The following DPH1 variants were observed in gnomAD, a reference collection of about 807,000 sequenced individuals.
DPH1 encodes the protein 2-(3-amino-3-carboxypropyl)histidine synthase subunit 1.
Under a neutral mutation model 55.3 loss-of-function variants are expected in DPH1, and 59 were observed. The observed-to-expected ratio is 1.07, with a 90% CI of 0.87 to 1.33. The LOEUF (loss-of-function observed/expected upper bound fraction) is 1.33. Among genes scored for constraint, DPH1 ranks in the 40% most tolerant of loss-of-function variants. DPH1 has a pLI of 0.00. For missense variants in DPH1, 628 were observed against 584.8 expected, an observed-to-expected ratio of 1.07 and a Z score of -0.76; for synonymous variants, 238 against 235.5, an observed-to-expected ratio of 1.01 and a Z score of -0.10.
At position 2,032,908 on chromosome 17, in the gene DPH1, T is replaced by C. The variant is rs139634923; in HGVS notation, c.62-597T>C. 7.7e-3 allele frequency among the ~76,000 whole-genome samples: 1,169 copies of C among 152,244 alleles called. 5 individuals are homozygous for C. Among genetic ancestry groups the C allele is most frequent in the Non-Finnish European group, 0.012 (815 of 68,020 alleles). Reference sequence around the variant, plus strand: ...CACCAGGCCCGGCTAATTTTTTGTATTTTTAGTAGAGAGTAGTATTTCCCC... The same window carrying C: ...CACCAGGCCCGGCTAATTTTTTGTACTTTTAGTAGAGAGTAGTATTTCCCC... On this transcript the variant is annotated intron_variant, in intron 1 of 12. Transcript: ENST00000263083.
intron 7 of DPH1, 81 bp from the exon 8 acceptor site, chr17:2,040,137 A>G: frequency 6.4e-7 from 1 of 1,565,634 alleles, no homozygotes; most frequent in Non-Finnish European, 8.7e-7. Context: ...TCAGGAGCCC[A>G]CGGGGCTGAG....
At position 2,043,406 on chromosome 17, in the gene DPH1, T is replaced by TA. The variant is rs1252486515; in HGVS notation, c.*822dup. 3.0e-6 allele frequency: 1 copy of TA among 337,222 alleles called. No homozygotes were observed. The highest frequency in any genetic ancestry group is 2.1e-5 in the African/African-American group (1 of 47,542). The allele number at this position is 337,222 out of a possible 1,614,324, so 20.9% of individuals were successfully genotyped here. On this transcript the variant is annotated 3_prime_UTR_variant, in exon 13 of 13. Transcript: ENST00000263083. ...GGCTGGCACCATGGTGACTGCCACA[T>TA]AATAAAGTGGTGATTTGGATTTTGA... is the stretch of plus-strand genomic sequence containing the variant.
intron 1 of DPH1, among the ~76,000 whole-genome samples, chr17:2,032,073 G>A (rs1001638547): frequency 1.3e-5 from 2 of 152,206 alleles, no homozygotes; most frequent in African/African-American, 2.4e-5. Context: ...AGAGGTAAGC[G>A]TGAAAGAACG....
At position 2,040,234 on chromosome 17, in the gene DPH1, A is replaced by G; in HGVS notation, c.766A>G (p.Lys256Glu). Residue 256 changes from lysine (K) to glutamate (E), a missense_variant, in exon 8 of 13, where the codon AAA (lysine) becomes GAA (glutamate). Lys to Glu is a moderately conservative substitution (Grantham distance 56). Coordinates refer to ENST00000263083, the MANE Select transcript of DPH1 (RefSeq NM_001383.6). ...CTTTTCCAGGTATGACCCATATAGC[A>G]AAGTCCTATCCAGAGAACACTATGA... ...VPAYRYDPYS[K>E]VLSREHYDHQ... 1 of 1,614,034 alleles carries G rather than the reference A, an allele frequency of 6.2e-7. No homozygotes were observed. Among genetic ancestry groups the G allele is most frequent in the South Asian group, 1.1e-5 (1 of 91,084 alleles).
At chr17:2,031,434 C>G (rs1362050838) in intron 1 of DPH1, among the ~76,000 whole-genome samples, 1 of 151,686 alleles carries the variant, frequency 6.6e-6, no homozygotes, top group Non-Finnish European at 1.5e-5. Context: ...TGGTAGCACA[C>G]GCCTGTAATC....
chr17:2,042,456 A>T, intron 12 of DPH1, 149 bp from the exon 13 acceptor site: 3 of 1,253,012 alleles, frequency 2.4e-6, no homozygotes, highest in Non-Finnish European at 3.2e-6. Flanking sequence ...AGGCCAATCC[A>T]CTCATTTCCC....
At position 2,041,500 on chromosome 17, in the gene DPH1, A is replaced by G; in HGVS notation, c.1106A>G (p.Asp369Gly). ...TPYEAAVALR[D>G]ISWQQPYPMD... ...CCCTAGGCGGCCGTGGCTCTGAGGG[A>G]CATTTCCTGGCAGCAGCCCTACCCG... The change falls in exon 11 of 13, where the codon GAC becomes GGC. Residue 369 changes from aspartate to glycine, a missense_variant. Physicochemically the swap from Asp to Gly is moderately conservative, Grantham distance 94. Coordinates refer to ENST00000263083, the MANE Select transcript of DPH1 (RefSeq NM_001383.6). 6.2e-7 allele frequency: 1 copy of G among 1,611,014 alleles called. No homozygotes were observed. The highest frequency in any genetic ancestry group is 8.5e-7 in the Non-Finnish European group (1 of 1,178,766).
At chr17:2,040,113 T>A in intron 7 of DPH1, 105 bp from the exon 8 acceptor site, 1 of 1,471,248 alleles carries the variant, frequency 6.8e-7, no homozygotes, top group Non-Finnish European at 9.2e-7. Context: ...ATTACCTGCG[T>A]GGGGCCTAAA....
At chr17:2,030,553 A>AGT (rs987566951) in intron 1 of DPH1, among the ~76,000 whole-genome samples, 13 of 152,098 alleles carry the variant, frequency 8.5e-5, no homozygotes, top group African/African-American at 2.9e-4. Context: ...GCATTTTACG[A>AGT]GTGCGCCCTC....
intron 6 of DPH1, chr17:2,038,916 C>T (rs1201416400): frequency 2.0e-5 from 3 of 152,146 alleles, no homozygotes; most frequent in African/African-American, 7.2e-5. Context: ...TTAGATTCTG[C>T]ATTATGTAAA....
intron 7 of DPH1, 128 bp downstream of exon 7, chr17:2,039,951 T>TG: frequency 7.2e-7 from 1 of 1,391,994 alleles, no homozygotes; most frequent in Non-Finnish European, 1.0e-6. Flanking sequence ...CTGAGGCACT[T>TG]GGGCCCTGGA....
chr17:2,039,454 T>C (rs2067478081), intron 6 of DPH1: 3 of 296,126 alleles, frequency 1.0e-5, no homozygotes, highest in South Asian at 7.4e-5. Context: ...CTCAGCTCAC[T>C]GCAAGCTACG....
chr17:2,033,825 T>C lies in DPH1; in HGVS notation c.261T>C (p.Ile87=). The C allele has an allele frequency of 6.2e-7, 1 of 1,614,164 alleles. No individual in the cohort carries two copies. Among genetic ancestry groups the C allele is most frequent in the Non-Finnish European group, 8.5e-7 (1 of 1,180,022 alleles). The change falls in exon 3 of 13, where the codon ATT becomes ATC. Residue 87 remains isoleucine, a synonymous_variant. Coordinates refer to ENST00000263083, the MANE Select transcript of DPH1 (RefSeq NM_001383.6). ...PEGLLLFACT[I]VDILERFTEA... ...GCCTCCTCCTCTTTGCCTGTACCAT[T>C]GTGGATATCTTGGAAAGGTGAGGCT...
chr17:2,038,147 CAAAAAAAAAAAAAAA>C (rs201391773), intron 6 of DPH1, among the ~76,000 whole-genome samples: 115 of 108,782 alleles, frequency 1.1e-3, no homozygotes, highest in Non-Finnish European at 1.8e-3. Context: ...CTGTTCTCTC[CAAAAAAAAAAAAAAA>C]AAAAAAAAAA....
intron 6 of DPH1, 144 bp from the exon 7 acceptor site, chr17:2,039,611 T>G: frequency 1.8e-5 from 16 of 888,716 alleles, no homozygotes; most frequent in Non-Finnish European, 2.8e-5. Context: ...TCTCCTGACC[T>G]CATGATCCGC....
intron 7 of DPH1, 90 bp from the exon 8 acceptor site, chr17:2,040,128 C>T: frequency 1.3e-6 from 2 of 1,543,298 alleles, no homozygotes; most frequent in Non-Finnish European, 1.8e-6. Flanking sequence ...CCTAAAGGTT[C>T]AGGAGCCCAC....
chr17:2,039,694 A>C (rs1229012068), intron 6 of DPH1, 61 bp from the exon 7 acceptor site: 1 of 1,610,378 alleles, frequency 6.2e-7, no homozygotes, highest in East Asian at 2.2e-5. Flanking sequence ...TGGACTTCTA[A>C]GCCAGCGAGT....
In DPH1 at chr17:2,036,848, A is replaced by G; in HGVS notation, c.572A>G (p.Glu191Gly). 1 of 1,613,480 alleles carries G rather than the reference A, an allele frequency of 6.2e-7. No individual in the cohort carries two copies. The highest frequency in any genetic ancestry group is 8.5e-7 in the Non-Finnish European group (1 of 1,179,922). ...TCATTCCTACAGGCAGCCGCCCAGGAGCTGAAAGCCGAGTATCGTGTGAGT... is the reference window on the plus strand; with the variant it reads ...TCATTCCTACAGGCAGCCGCCCAGGGGCTGAAAGCCGAGTATCGTGTGAGT... ...FVSTLQAAAQ[E>G]LKAEYRVSVP... The change falls in exon 6 of 13, where the codon GAG becomes GGG. Residue 191 changes from glutamate (E) to glycine (G), a missense_variant. Transcript: ENST00000263083. The surrounding 1 kb of genome is among the most constrained non-coding windows in gnomAD (Gnocchi z 4.8).
intron 6 of DPH1, among the ~76,000 whole-genome samples, chr17:2,037,458 C>G (rs1394161057): frequency 6.6e-6 from 1 of 152,164 alleles, no homozygotes; most frequent in Non-Finnish European, 1.5e-5. Flanking sequence ...GGGTCGCTCC[C>G]TGACTCAGTC....
Sources: gnomAD v4.1 joint callset for allele counts (sites outside exome capture counted in the v4.1 genomes callset) on GRCh38, gnomAD v4.1.1 for gene constraint, Gnocchi (gnomAD v3.1) non-coding constraint, MANE v1.5 for transcripts, NCBI Gene and HGNC (gene_info 2026-07-23, HGNC 2026-07-21) for gene names.